PCDHGB1: variants seen among roughly 807,000 people sequenced by gnomAD.
The protein encoded by PCDHGB1 is protocadherin gamma subfamily B, 1.
A neutral mutation model predicts 56.6 loss-of-function variants in PCDHGB1; 34 were observed. The ratio of observed to expected loss-of-function variants is 0.60; its 90% CI spans 0.46 to 0.80. The LOEUF (loss-of-function observed/expected upper bound fraction) is 0.80, where lower values mean the gene tolerates loss of function less well. Ranked by LOEUF, PCDHGB1 falls within the 30% of genes least tolerant of loss-of-function variation. The pLI is 0.00. For synonymous variants in PCDHGB1, 561 were observed against 505.9 expected, an observed-to-expected ratio of 1.11 and a Z score of -1.46; for missense variants, 1,278 against 1,204.6, an observed-to-expected ratio of 1.06 and a Z score of -0.90.
rs1326706527 is a variant in PCDHGB1, at chr5:141,351,402, A to G, written c.1142A>G (p.Tyr381Cys). 1.2e-6 allele frequency: 2 copies of G among 1,611,502 alleles called. No homozygotes were observed. Among genetic ancestry groups the G allele is most frequent in the Admixed American group, 1.7e-5 (1 of 59,494 alleles). Residue 381 changes from tyrosine to cysteine, a missense_variant, in exon 1 of 4, where the codon TAT becomes TGT. By Grantham distance (194) the Tyr-to-Cys change is radical. Coordinates refer to ENST00000523390, the MANE Select transcript of PCDHGB1 (RefSeq NM_018922.3). ...GGGCAAAATGGCATGGTGACATGCT[A>G]TACTCAGGAAGAAGTTCCTTTCAAA... ...DSGQNGMVTC[Y>C]TQEEVPFKLE...
At chr5:141,459,863 G>A (rs182099511) in intron 1 of PCDHGB1, among the ~76,000 whole-genome samples, 2 of 152,242 alleles carry the variant, frequency 1.3e-5, no homozygotes, top group East Asian at 1.9e-4. Context: ...TGAAGCATTC[G>A]TTCATCTTTA....
intron 1 of PCDHGB1, chr5:141,367,494 G>T (rs1765172708): frequency 6.6e-6 from 1 of 151,970 alleles, no homozygotes; most frequent in African/African-American, 2.4e-5. Context: ...CCGAGATCGC[G>T]CCACTGCACT....
intron 1 of PCDHGB1, among the ~76,000 whole-genome samples, chr5:141,492,221 G>C (rs62379206): frequency 0.18 from 27,189 of 152,134 alleles, 2,633 homozygotes; most frequent in Admixed American, 0.28. Context: ...GGGCTCATGC[G>C]TGTCCTCCCT....
chr5:141,474,993 C>A (rs1313232385), intron 1 of PCDHGB1, among the ~76,000 whole-genome samples: 24 of 152,324 alleles, frequency 1.6e-4, no homozygotes. Context: ...GACAACAATT[C>A]TAAATGCAGA....
chr5:141,395,459 T>C (rs2093235244), intron 1 of PCDHGB1: 1 of 602,046 alleles, frequency 1.7e-6, no homozygotes, highest in African/African-American at 1.9e-5. Context: ...TCAACCATTT[T>C]AAGCCTTCCA....
At chr5:141,478,924 T>C (rs1213046748) in intron 1 of PCDHGB1, 10 of 704,004 alleles carry the variant, frequency 1.4e-5, no homozygotes. Context: ...CTCTAACCAG[T>C]GGCAGCTTCT....
chr5:141,405,431 T>TGTTTTTGA (rs1428153443), intron 1 of PCDHGB1: 4 of 1,490,528 alleles, frequency 2.7e-6, no homozygotes, highest in Non-Finnish European at 2.7e-6. Flanking sequence ...TGTTTTGTTT[T>TGTTTTTGA]GTTTTTGAGA....
rs547129690 is a variant in PCDHGB1, at chr5:141,385,366, C to A, written c.2409+32697C>A. On this transcript the variant is annotated intron_variant, in intron 1 of 3. Transcript: ENST00000523390. ...TTTATTTCCATGAGGAATTTATTTG[C>A]ATGATATTTCTCTATTATTTTGCAA... The A allele has an allele frequency of 5.9e-6, 9 of 1,535,728 alleles. No individual in the cohort carries two copies. The South Asian group carries it at 9.0e-5, about 15-fold the overall frequency.
chr5:141,429,534 A>G (rs1036595279), intron 1 of PCDHGB1, among the ~76,000 whole-genome samples: 1 of 152,222 alleles, frequency 6.6e-6, no homozygotes. Context: ...GCTTAAAAAA[A>G]TAAGAACATG....
Position 141,511,225 on chromosome 5 carries a change from C to T in PCDHGB1, c.*52C>T, listed in dbSNP as rs2099883678. On this transcript the variant is annotated 3_prime_UTR_variant, in exon 4 of 4. Transcript: ENST00000523390. Reference sequence around the variant, plus strand: ...GGCGGCCTCTCCCCAACCAGCCCAGCTTCTCCTTACCTGCACCCAGGCCTC... The same window carrying T: ...GGCGGCCTCTCCCCAACCAGCCCAGTTTCTCCTTACCTGCACCCAGGCCTC... 1.9e-6 allele frequency: 3 copies of T among 1,601,506 alleles called. No individual in the cohort carries two copies. Among genetic ancestry groups the T allele is most frequent in the Non-Finnish European group, 2.6e-6 (3 of 1,174,170 alleles).
At chr5:141,501,402 G>T (rs527659990) in intron 2 of PCDHGB1, among the ~76,000 whole-genome samples, 1 of 151,622 alleles carries the variant, frequency 6.6e-6, no homozygotes, top group African/African-American at 2.4e-5. Context: ...ACAGGCCACT[G>T]CTTGGAAAAT....
At chr5:141,402,037 G>A (rs749684542) in intron 1 of PCDHGB1, among the ~76,000 whole-genome samples, 24 of 152,118 alleles carry the variant, frequency 1.6e-4, no homozygotes, top group Non-Finnish European at 2.9e-4. Flanking sequence ...CACAGTCTGT[G>A]CATGCATTAC....
intron 1 of PCDHGB1, chr5:141,408,864 C>T: frequency 1.2e-6 from 2 of 1,613,638 alleles, no homozygotes; most frequent in Non-Finnish European, 8.5e-7. Context: ...GGGGACCCAC[C>T]AAGAAGTGCC....
rs556183945 is a variant in PCDHGB1 at position 141,404,478 on chromosome 5, C to G, written c.2409+51809C>G. On this transcript the variant is annotated intron_variant, in intron 1 of 3. Coordinates refer to ENST00000523390, the MANE Select transcript of PCDHGB1 (RefSeq NM_018922.3). ...CTCTCCACCTATGTCTCTATTAACT[C>G]AGACACTGGTGTGCTGTATGCTCTG... 36 of 1,613,412 alleles carry G rather than the reference C, an allele frequency of 2.2e-5. No homozygotes were observed. In the South Asian group the frequency reaches 3.6e-4, roughly 16 times the overall value.
Position 141,493,876 on chromosome 5 carries a change from G to T in PCDHGB1, c.2410-931G>T, listed in dbSNP as rs2099750541. 6.6e-6 allele frequency among the ~76,000 whole-genome samples: 1 copy of T among 152,194 alleles called. No homozygotes were observed. ...CAGCCCACCCCAGAACCAGTGAGGA[G>T]GTGGCTCTAGGAGTGCTCCATGAGA... On this transcript the variant is annotated intron_variant, in intron 1 of 3. Transcript: ENST00000523390. The surrounding 1 kb of genome is among the most constrained non-coding windows in gnomAD (Gnocchi z 4.3).
rs759095332 is a variant in PCDHGB1, at chr5:141,432,306, C to T, written c.2410-62501C>T. 1 of 1,614,250 alleles carries T rather than the reference C, an allele frequency of 6.2e-7. No homozygotes were observed. On this transcript the variant is annotated intron_variant, in intron 1 of 3. Coordinates refer to ENST00000523390, the MANE Select transcript of PCDHGB1 (RefSeq NM_018922.3). This position sits in a 1 kb window ranked among gnomAD's most constrained non-coding sequence, Gnocchi z 6.0. ...AACTCCGACACTGGGGTACTGTATG[C>T]GCTGAGCTCCTTCGACTACGAGCAG...
At chr5:141,433,358 C>CCTGCCTAT (rs1554125966) in intron 1 of PCDHGB1, 1 of 498,106 alleles carries the variant, frequency 2.0e-6, no homozygotes, top group Non-Finnish European at 3.5e-6. Flanking sequence ...CTACTGTCTG[C>CCTGCCTAT]CTATCTATCT....
intron 1 of PCDHGB1, chr5:141,355,351 G>C: frequency 1.2e-6 from 2 of 1,614,038 alleles, no homozygotes; most frequent in Non-Finnish European, 1.7e-6. Context: ...CATCGCCAAG[G>C]ACCTGGGGTT....
intron 1 of PCDHGB1, chr5:141,366,469 G>A (rs575828819): frequency 6.2e-7 from 1 of 1,614,256 alleles, no homozygotes. Context: ...TGCTGCTGGT[G>A]CTCAGACTGA....
Sources: allele counts gnomAD v4.1 joint callset (sites outside exome capture counted in the v4.1 genomes callset), GRCh38; gene constraint gnomAD v4.1.1; non-coding constraint Gnocchi (gnomAD v3.1); transcripts MANE v1.5; gene names NCBI Gene and HGNC (gene_info 2026-07-23, HGNC 2026-07-21).